ANKMY2: variants seen among roughly 807,000 people sequenced by gnomAD.
The protein encoded by ANKMY2 is ankyrin repeat and MYND domain containing 2, also known as ankyrin repeat and MYND domain-containing protein 2.
Under a neutral mutation model 50.4 loss-of-function variants are expected in ANKMY2, and 36 were observed. The observed-to-expected ratio is 0.71, with a 90% CI of 0.55 to 0.94. The LOEUF (loss-of-function observed/expected upper bound fraction) is 0.94. ANKMY2 is among the 40% of genes least tolerant of loss of function. The probability of loss-of-function intolerance (pLI) is 0.00; values close to 1 mark genes in which losing one functional copy is unlikely to be tolerated. For synonymous variants in ANKMY2, 187 were observed against 178.8 expected (o/e 1.05, Z -0.36); for missense variants, 565 against 524.0 (o/e 1.08, Z -0.76).
intron 5 of ANKMY2, among the ~76,000 whole-genome samples, chr7:16,613,736 C>T (rs1471341275): frequency 6.6e-6 from 1 of 151,188 alleles, no homozygotes; most frequent in Non-Finnish European, 1.5e-5. Context: ...AAAATTATTC[C>T]ATAAGCCTGG....
intron 2 of ANKMY2, among the ~76,000 whole-genome samples, chr7:16,630,936 G>A (rs967936791): frequency 1.3e-5 from 2 of 152,158 alleles, no homozygotes; most frequent in Non-Finnish European, 2.9e-5. Flanking sequence ...TGTGTTCAAG[G>A]ATCATCACAG....
At chr7:16,622,069 A>G (rs35306707) in intron 4 of ANKMY2, among the ~76,000 whole-genome samples, 26,714 of 151,552 alleles carry the variant, frequency 0.18, 2,644 homozygotes, top group Middle Eastern at 0.25. Context: ...AAGAAGAGGA[A>G]GAGGAGGAGG....
chr7:16,645,564 T>C lies in ANKMY2; in HGVS notation c.10A>G (p.Ile4Val). MVHIKKGELTQEEK... is the reference protein window; with the variant it reads MVHVKKGELTQEEK... The stretch of plus-strand genomic sequence containing the variant: ...TCCTGGGTCAGCTCGCCTTTCTTTA[T>C]GTGAACCATTGCTCCCGCCAGCTTG... The change falls in exon 1 of 10, where the codon ATA becomes GTA. Residue 4 changes from isoleucine to valine, a missense_variant. Ile to Val is a conservative substitution (Grantham distance 29). Coordinates refer to ENST00000306999, the MANE Select transcript of ANKMY2 (RefSeq NM_020319.3). The C allele has an allele frequency of 6.2e-7, 1 of 1,612,006 alleles. No homozygotes were observed. The highest frequency in any genetic ancestry group is 8.5e-7 in the Non-Finnish European group (1 of 1,178,974).
chr7:16,612,690 A>G (rs765246019), intron 5 of ANKMY2, among the ~76,000 whole-genome samples: 4 of 152,226 alleles, frequency 2.6e-5, no homozygotes, highest in Non-Finnish European at 4.4e-5. Flanking sequence ...ATGTTTTAAT[A>G]CACAGCACAA....
intron 7 of ANKMY2, among the ~76,000 whole-genome samples, chr7:16,609,060 T>C (rs1562767729): frequency 6.6e-6 from 1 of 152,186 alleles, no homozygotes; most frequent in African/African-American, 2.4e-5. Flanking sequence ...GTCATTTAAA[T>C]AACAGATAAA....
At chr7:16,610,259 C>T (rs1179787812) in intron 6 of ANKMY2, among the ~76,000 whole-genome samples, 2 of 152,108 alleles carry the variant, frequency 1.3e-5, no homozygotes, top group Non-Finnish European at 2.9e-5. Flanking sequence ...TGGACTTGGG[C>T]CACTTTCTCG....
At chr7:16,617,197 C>T (rs1375662794) in intron 4 of ANKMY2, among the ~76,000 whole-genome samples, 1 of 152,100 alleles carries the variant, frequency 6.6e-6, no homozygotes, top group Non-Finnish European at 1.5e-5. Context: ...TTCTAAATTT[C>T]CCCACAGTTA....
intron 2 of ANKMY2, among the ~76,000 whole-genome samples, chr7:16,635,149 T>C (rs1021666534): frequency 6.6e-6 from 1 of 152,080 alleles, no homozygotes; most frequent in African/African-American, 2.4e-5. Context: ...AAGATTATGG[T>C]ATACACATAC....
chr7:16,600,740 C>A lies in ANKMY2; in HGVS notation c.*21G>T. 6.3e-7 allele frequency: 1 copy of A among 1,588,572 alleles called. No individual in the cohort carries two copies. The highest frequency in any genetic ancestry group is 8.6e-7 in the Non-Finnish European group (1 of 1,166,962). ...CTTCTTGCAGGGTGAGGATCATCCA[C>A]ACTGGCACTTGCTCTGGCTTTTACT... is the stretch of plus-strand genomic sequence containing the variant. On this transcript the variant is annotated 3_prime_UTR_variant, in exon 10 of 10. Transcript: ENST00000306999.
At chr7:16,639,564 T>C (rs1583686502) in intron 1 of ANKMY2, among the ~76,000 whole-genome samples, 1 of 152,278 alleles carries the variant, frequency 6.6e-6, no homozygotes, top group South Asian at 2.1e-4. Flanking sequence ...GAAAAGATTA[T>C]GTACATAATA....
At chr7:16,617,970 C>T (rs1781381783) in intron 4 of ANKMY2, among the ~76,000 whole-genome samples, 1 of 147,340 alleles carries the variant, frequency 6.8e-6, no homozygotes, top group African/African-American at 2.5e-5. Context: ...CTCTGTTGCC[C>T]AGGCTGTAGT....
At chr7:16,631,012 T>G (rs992251675) in intron 2 of ANKMY2, among the ~76,000 whole-genome samples, 5 of 152,236 alleles carry the variant, frequency 3.3e-5, no homozygotes, top group African/African-American at 9.6e-5. Flanking sequence ...GTCTTGATTC[T>G]GGTACTTCTA....
chr7:16,611,564 G>A (rs1395706767), intron 5 of ANKMY2, among the ~76,000 whole-genome samples: 1 of 152,204 alleles, frequency 6.6e-6, no homozygotes, highest in Admixed American at 6.5e-5. Context: ...AAACATGAAT[G>A]TGAGAGTGGC....
At chr7:16,639,346 C>T (rs1781715862) in intron 1 of ANKMY2, among the ~76,000 whole-genome samples, 4 of 152,074 alleles carry the variant, frequency 2.6e-5, no homozygotes, top group Admixed American at 6.6e-5. Flanking sequence ...AGATAGAGTA[C>T]TATAAGAAGG....
chr7:16,637,548 T>TTTTA (rs1781682882), intron 1 of ANKMY2, among the ~76,000 whole-genome samples: 1 of 152,192 alleles, frequency 6.6e-6, no homozygotes, highest in South Asian at 2.1e-4. Flanking sequence ...CAGCTATTTT[T>TTTTA]TTTATAAATA....
At chr7:16,627,631 T>C (rs1781524162) in intron 2 of ANKMY2, among the ~76,000 whole-genome samples, 1 of 152,230 alleles carries the variant, frequency 6.6e-6, no homozygotes. Flanking sequence ...ATGATTCATC[T>C]GTATCTACTG....
At chr7:16,643,795 G>C (rs1309814011) in intron 1 of ANKMY2, among the ~76,000 whole-genome samples, 1 of 150,116 alleles carries the variant, frequency 6.7e-6, no homozygotes, top group African/African-American at 2.5e-5. Context: ...GAGGCAGGAG[G>C]ATCACTTGAG....
chr7:16,601,940 T>C (rs931804415), intron 9 of ANKMY2, among the ~76,000 whole-genome samples: 3 of 152,232 alleles, frequency 2.0e-5, no homozygotes, highest in African/African-American at 7.2e-5. Flanking sequence ...GATTTATAAA[T>C]ATACTCTGTA....
intron 7 of ANKMY2, among the ~76,000 whole-genome samples, chr7:16,607,536 C>T (rs984660172): frequency 2.0e-5 from 3 of 151,986 alleles, no homozygotes; most frequent in African/African-American, 7.3e-5. Context: ...CCACTGCACT[C>T]CAGCCTGGGT....
Sources: allele counts gnomAD v4.1 joint callset (sites outside exome capture counted in the v4.1 genomes callset), GRCh38; gene constraint gnomAD v4.1.1; transcripts MANE v1.5; gene names NCBI Gene and HGNC (gene_info 2026-07-23, HGNC 2026-07-21).